Variants in CSMD1 observed in about 807,000 individuals in gnomAD.
The protein encoded by CSMD1 is CUB and Sushi multiple domains 1.
A neutral mutation model predicts 417.5 loss-of-function variants in CSMD1; 213 were observed. The observed-to-expected ratio is 0.51, with a 90% CI of 0.46 to 0.57. The LOEUF is 0.57. CSMD1 is among the 20% of genes least tolerant of loss of function. The pLI is 0.00. For synonymous variants in CSMD1, 2,862 were observed against 1,736.8 expected, an observed-to-expected ratio of 1.65 and a Z score of -16.11; for missense variants, 6,923 against 4,529.7, an observed-to-expected ratio of 1.53 and a Z score of -15.17.
intron 2 of CSMD1, among the ~76,000 whole-genome samples, chr8:4,502,269 T>C (rs1216147567): frequency 6.6e-6 from 1 of 152,090 alleles, no homozygotes; most frequent in Non-Finnish European, 1.5e-5. Context: ...ATTCTTGCAC[T>C]CGCATATCAT....
intron 40 of CSMD1, among the ~76,000 whole-genome samples, chr8:3,147,466 C>T (rs1818912637): frequency 6.6e-6 from 1 of 152,156 alleles, no homozygotes; most frequent in Admixed American, 6.5e-5. Flanking sequence ...AGTCTGACTC[C>T]AGCATCCAAG....
chr8:4,759,766 A>G (rs1811918018), intron 1 of CSMD1, among the ~76,000 whole-genome samples: 1 of 152,202 alleles, frequency 6.6e-6, no homozygotes, highest in South Asian at 2.1e-4. Flanking sequence ...ATGGCTGCAT[A>G]GTATTCCATA....
intron 3 of CSMD1, among the ~76,000 whole-genome samples, chr8:4,158,463 T>G (rs777931679): frequency 7.9e-5 from 12 of 152,088 alleles, no homozygotes; most frequent in Non-Finnish European, 1.6e-4. Context: ...GTAATACTAA[T>G]ACAGCCGCTA....
intron 7 of CSMD1, among the ~76,000 whole-genome samples, chr8:3,621,703 C>A (rs1796249132): frequency 6.6e-6 from 1 of 151,834 alleles, no homozygotes; most frequent in South Asian, 2.1e-4. Flanking sequence ...AGCAATCCTC[C>A]CAAATAGCTG....
intron 9 of CSMD1, among the ~76,000 whole-genome samples, chr8:3,580,997 A>G (rs910214378): frequency 1.4e-4 from 22 of 152,190 alleles, no homozygotes; most frequent in African/African-American, 5.1e-4. Flanking sequence ...CCTGGCTCCA[A>G]TTAGCTCACA....
intron 5 of CSMD1, among the ~76,000 whole-genome samples, chr8:3,967,207 T>G (rs922538661): frequency 6.6e-6 from 1 of 152,216 alleles, no homozygotes. Flanking sequence ...TCTACTGCTT[T>G]GCTCTTCCCC....
At chr8:4,742,479 T>C (rs1191925883) in intron 1 of CSMD1, among the ~76,000 whole-genome samples, 1 of 152,270 alleles carries the variant, frequency 6.6e-6, no homozygotes, top group East Asian at 1.9e-4. Flanking sequence ...GTCATTCACA[T>C]ACACGCACAC....
intron 23 of CSMD1, among the ~76,000 whole-genome samples, chr8:3,325,350 T>C (rs1806456540): frequency 6.6e-6 from 1 of 152,242 alleles, no homozygotes; most frequent in African/African-American, 2.4e-5. Context: ...ATTTTAGATT[T>C]TATAGCATTT....
chr8:3,274,431 A>T (rs2117174448), intron 26 of CSMD1, among the ~76,000 whole-genome samples: 1 of 152,238 alleles, frequency 6.6e-6, no homozygotes, highest in Admixed American at 6.5e-5. Flanking sequence ...AGTTCTGTAG[A>T]TGTCTATTAG....
At chr8:3,999,700 T>A (rs1053591222) in intron 4 of CSMD1, among the ~76,000 whole-genome samples, 4 of 152,226 alleles carry the variant, frequency 2.6e-5, no homozygotes, top group African/African-American at 7.2e-5. Flanking sequence ...ATGCTGTTTA[T>A]GTCAACTAAT....
chr8:4,919,286 G>C (rs776090971), intron 1 of CSMD1, among the ~76,000 whole-genome samples: 2 of 152,158 alleles, frequency 1.3e-5, no homozygotes, highest in Non-Finnish European at 2.9e-5. Flanking sequence ...CTGTCAATTA[G>C]AGTATATTTA....
At position 3,756,078 on chromosome 8, in the gene CSMD1, C is replaced by G. The variant is rs181114137; in HGVS notation, c.819-2036G>C. ...AGGTACTTTAAAAAATCATTGTGGCCGGGCGCAGTGGCTCACACCTCTAAT... is the reference window on the plus strand; with the variant it reads ...AGGTACTTTAAAAAATCATTGTGGCGGGGCGCAGTGGCTCACACCTCTAAT... On this transcript the variant is annotated intron_variant, in intron 5 of 69. Transcript: ENST00000635120. 2.0e-4 allele frequency among the ~76,000 whole-genome samples: 31 copies of G among 152,048 alleles called. 1 individual carries two copies. The South Asian group carries it at 5.2e-3, about 25-fold the overall frequency.
chr8:3,505,064 G>C (rs1264599350), intron 10 of CSMD1, among the ~76,000 whole-genome samples: 2 of 152,096 alleles, frequency 1.3e-5, no homozygotes, highest in East Asian at 3.9e-4. Context: ...AAGCTAGTGA[G>C]AATTTCAGGA....
intron 1 of CSMD1, among the ~76,000 whole-genome samples, chr8:4,651,470 G>T (rs971072858): frequency 6.6e-6 from 1 of 152,034 alleles, no homozygotes; most frequent in Non-Finnish European, 1.5e-5. Flanking sequence ...TATACTGGTG[G>T]GGGGAGGAAT....
intron 1 of CSMD1, among the ~76,000 whole-genome samples, chr8:4,693,218 T>C (rs1196242879): frequency 6.6e-6 from 1 of 152,218 alleles, no homozygotes; most frequent in Admixed American, 6.5e-5. Context: ...GCTCACCCCT[T>C]GGGTGACGGC....
At chr8:4,677,980 T>G (rs145390587) in intron 1 of CSMD1, among the ~76,000 whole-genome samples, 2 of 152,210 alleles carry the variant, frequency 1.3e-5, no homozygotes, top group Non-Finnish European at 2.9e-5. Flanking sequence ...CTGCCTTCCA[T>G]GGTTTGATGT....
At chr8:3,334,773 G>C (rs896091200) in intron 23 of CSMD1, among the ~76,000 whole-genome samples, 2 of 152,208 alleles carry the variant, frequency 1.3e-5, no homozygotes, top group African/African-American at 4.8e-5. Context: ...TGCAGAGTAA[G>C]TAGAGTGGGA....
intron 3 of CSMD1, among the ~76,000 whole-genome samples, chr8:4,308,980 GAACT>G (rs1798408385): frequency 1.3e-5 from 2 of 152,030 alleles, no homozygotes; most frequent in South Asian, 4.2e-4. Flanking sequence ...ACATAATGTT[GAACT>G]AATTCCTAAA....
At chr8:4,264,205 G>C (rs1700082) in intron 3 of CSMD1, among the ~76,000 whole-genome samples, 77,670 of 151,978 alleles carry the variant, frequency 0.51, 22,513 homozygotes, top group Non-Finnish European at 0.66. Context: ...GATTACCAAC[G>C]TGACTACAAT....
Sources: allele counts gnomAD v4.1 joint callset (sites outside exome capture counted in the v4.1 genomes callset), GRCh38; gene constraint gnomAD v4.1.1; transcripts MANE v1.5; gene names NCBI Gene and HGNC (gene_info 2026-07-23, HGNC 2026-07-21).